Variants in RAB40A observed in about 807,000 individuals in gnomAD.
The protein encoded by RAB40A is ras-related protein Rab-40A.
For synonymous variants in RAB40A, 65 were observed against 99.9 expected (o/e 0.65, Z 2.08); for missense variants, 145 against 230.2 (o/e 0.63, Z 2.40).
intron 2 of RAB40A, chrX:103,501,105 G>A (rs370244371): frequency 6.8e-4 from 172 of 254,487 alleles, no homozygotes; most frequent in African/African-American, 3.2e-3. Context: ...ACGGGTATGG[G>A]ATAGGAAAGG....
In RAB40A at chrX:103,502,854, T is replaced by C. The variant is rs992440589; in HGVS notation, c.-70-2028A>G. On this transcript the variant is annotated intron_variant, in intron 2 of 2. Coordinates refer to ENST00000304236, the MANE Select transcript of RAB40A (RefSeq NM_080879.3). Reference sequence around the variant, plus strand: ...TTACCGAGCTGTCCCAAGGAGCAAATGAGAAAACCTGTTGAGAGTATACGG... The same window carrying C: ...TTACCGAGCTGTCCCAAGGAGCAAACGAGAAAACCTGTTGAGAGTATACGG... 3 of 759,028 alleles carry C rather than the reference T, an allele frequency of 4.0e-6. No homozygotes were observed. The African/African-American group carries it at 7.0e-5, about 18-fold the overall frequency. The allele number at this position is 759,028 out of a possible 1,213,427, so 62.6% of individuals were successfully genotyped here. A position where few individuals can be genotyped will look rare whatever the true frequency, so the allele number is the denominator to read the frequency against.
At chrX:103,496,788 A>G (rs1210812590), downstream of RAB40A, among the ~76,000 whole-genome samples, 1 of 112,688 alleles carries the variant, frequency 8.9e-6, no homozygotes, top group Non-Finnish European at 1.9e-5. Context: ...CTCTTATGGA[A>G]GCTATTTTAC....
At chrX:103,514,083 T>C (rs2073304714) in intron 2 of RAB40A, among the ~76,000 whole-genome samples, 1 of 111,913 alleles carries the variant, frequency 8.9e-6, no homozygotes, top group African/African-American at 3.3e-5. Context: ...TTAGTAGCTC[T>C]GAAAGACAGT....
intron 2 of RAB40A, among the ~76,000 whole-genome samples, chrX:103,507,939 C>A (rs1444048745): frequency 9.0e-6 from 1 of 111,260 alleles, no homozygotes; most frequent in Non-Finnish European, 1.9e-5. Context: ...AGTACACACT[C>A]AGGTCTGCAG....
At chrX:103,501,041 G>T in intron 2 of RAB40A, 1 of 352,750 alleles carries the variant, frequency 2.8e-6, no homozygotes, top group Non-Finnish European at 5.0e-6. Context: ...TCATGTGATC[G>T]TTATGGAACC....
chrX:103,495,981 G>T (rs148975293), downstream of RAB40A, among the ~76,000 whole-genome samples: 1 of 111,829 alleles, frequency 8.9e-6, no homozygotes, highest in Non-Finnish European at 1.9e-5. Context: ...AAGGAATACC[G>T]CAGAGATGAA....
chrX:103,505,794 T>C (rs971287142), intron 2 of RAB40A, among the ~76,000 whole-genome samples: 1 of 111,904 alleles, frequency 8.9e-6, no homozygotes, highest in African/African-American at 3.2e-5. Flanking sequence ...TATTTTTTCC[T>C]TTGGGATTAA....
At chrX:103,515,864 A>C (rs957696237) in intron 2 of RAB40A, among the ~76,000 whole-genome samples, 14 of 112,309 alleles carry the variant, frequency 1.2e-4, no homozygotes, top group African/African-American at 4.5e-4. Flanking sequence ...AAACACTGGC[A>C]CTGTGAATGA....
intron 2 of RAB40A, chrX:103,501,538 CA>C (rs1376737252): frequency 1.6e-5 from 2 of 123,675 alleles, no homozygotes; most frequent in African/African-American, 6.5e-5. Flanking sequence ...TAGAGTGTCT[CA>C]TAAATAATAT....
intron 2 of RAB40A, among the ~76,000 whole-genome samples, chrX:103,510,893 G>A (rs943780291): frequency 1.3e-4 from 14 of 111,445 alleles, no homozygotes; most frequent in African/African-American, 2.0e-4. Flanking sequence ...ATTATAACAC[G>A]GCATATTTTC....
chrX:103,498,610 T>C (rs1334102390), downstream of RAB40A, among the ~76,000 whole-genome samples: 1 of 112,046 alleles, frequency 8.9e-6, no homozygotes, highest in Non-Finnish European at 1.9e-5. Context: ...CAGGATGGTG[T>C]AGAGATTATA....
At chrX:103,495,250 T>A (rs753992302), downstream of RAB40A, among the ~76,000 whole-genome samples, 1 of 112,284 alleles carries the variant, frequency 8.9e-6, no homozygotes, top group South Asian at 3.7e-4. Context: ...CTGATTTTTG[T>A]ATGTTGATTT....
intron 1 of RAB40A, among the ~76,000 whole-genome samples, chrX:103,517,757 T>C (rs1168717300): frequency 9.0e-6 from 1 of 111,555 alleles, no homozygotes; most frequent in Non-Finnish European, 1.9e-5. Flanking sequence ...GCAGAACAAA[T>C]TGTAACAGCA....
intron 2 of RAB40A, chrX:103,503,115 A>C (rs2073237196): frequency 2.7e-6 from 2 of 752,129 alleles, no homozygotes; most frequent in South Asian, 1.4e-4. Flanking sequence ...AAAGCTGTTG[A>C]ACATCATGCC....
chrX:103,508,297 G>A (rs1266670103), intron 2 of RAB40A, among the ~76,000 whole-genome samples: 2 of 111,610 alleles, frequency 1.8e-5, no homozygotes, highest in African/African-American at 3.3e-5. Context: ...TCTTCTAAAG[G>A]GGAGGTGCTC....
At chrX:103,517,029 G>T (rs759183127) in intron 2 of RAB40A, among the ~76,000 whole-genome samples, 1 of 111,374 alleles carries the variant, frequency 9.0e-6, no homozygotes, top group African/African-American at 3.3e-5. Flanking sequence ...ATATGCCAGG[G>T]TCTACTCAAG....
intron 2 of RAB40A, among the ~76,000 whole-genome samples, chrX:103,506,573 T>TA (rs778569663): frequency 1.8e-5 from 2 of 112,352 alleles, no homozygotes; most frequent in South Asian, 7.3e-4. Flanking sequence ...ACTCCTTACT[T>TA]AAAGTATCTT....
At chrX:103,503,292 G>C in intron 2 of RAB40A, 1 of 753,779 alleles carries the variant, frequency 1.3e-6, no homozygotes, top group Non-Finnish European at 1.6e-6. Flanking sequence ...GCAGGGTCTG[G>C]GCAACTGTGT....
At chrX:103,502,583 T>C in intron 2 of RAB40A, 1 of 313,906 alleles carries the variant, frequency 3.2e-6, no homozygotes, top group Non-Finnish European at 4.4e-6. Context: ...AGGATTTCAC[T>C]TCTGTCTTCC....
Sources: gnomAD v4.1 joint callset for allele counts (sites outside exome capture counted in the v4.1 genomes callset) on GRCh38, gnomAD v4.1.1 for gene constraint, MANE v1.5 for transcripts, NCBI Gene and HGNC (gene_info 2026-07-23, HGNC 2026-07-21) for gene names.